The following AFDN variants were observed in gnomAD, a reference collection of about 807,000 sequenced individuals.
AFDN encodes afadin, adherens junction formation factor, also known as afadin.
A neutral mutation model predicts 216.6 loss-of-function variants in AFDN; 68 were observed. The ratio of observed to expected loss-of-function variants is 0.31; its 90% CI spans 0.26 to 0.38. AFDN has a LOEUF of 0.38. Among genes scored for constraint, AFDN ranks in the 10% least tolerant of loss-of-function variants. AFDN has a pLI of 1.00. For missense variants in AFDN, 2,136 were observed against 2,342.0 expected (o/e 0.91, Z 1.82); for synonymous variants, 868 against 853.7 (o/e 1.02, Z -0.29).
chr6:167,919,267 A>G (rs1583409720), intron 21 of AFDN, among the ~76,000 whole-genome samples: 1 of 152,228 alleles, frequency 6.6e-6, no homozygotes, highest in African/African-American at 2.4e-5. Context: ...AGGTTGATTC[A>G]TTCCTTTAGC....
In AFDN at chr6:167,971,359, C is replaced by CT. The variant is rs1798011041; in HGVS notation, c.*1429dup. On this transcript the variant is annotated 3_prime_UTR_variant, in exon 34 of 34. Transcript: ENST00000683244. The stretch of plus-strand genomic sequence containing the variant: ...ACACTTTCAAAGAGAGGTATAGGGG[C>CT]TTTTTACTGCCTTCGAAATCACTTT... 9.5e-6 allele frequency: 2 copies of CT among 211,516 alleles called. No homozygotes were observed. The highest frequency in any genetic ancestry group is 4.5e-5 in the African/African-American group (2 of 44,286). 13.1% of individuals were successfully genotyped at this position (211,516 alleles called of 1,614,324 possible).
intron 21 of AFDN, 26 bp downstream of exon 21, chr6:167,918,959 T>C (rs1445717588): frequency 1.3e-6 from 2 of 1,589,730 alleles, no homozygotes; most frequent in African/African-American, 2.7e-5. Context: ...TGCCTGAGTC[T>C]GAGCTACGCC....
chr6:167,846,198 T>G (rs1176165827), intron 1 of AFDN, among the ~76,000 whole-genome samples: 1 of 152,046 alleles, frequency 6.6e-6, no homozygotes, highest in Non-Finnish European at 1.5e-5. Flanking sequence ...TTATCAGAGC[T>G]TGGGCGGTCT....
At position 167,962,456 on chromosome 6, in the gene AFDN, G is replaced by A; in HGVS notation, c.4857G>A (p.Arg1619=). ...RARLQDEERR[R]QQQLEEMRKR... ...AGTTGCAGGACGAGGAGCGGAGGCG[G>A]CAGCAGCAGTTAGAAGAGATGCGCA... Residue 1619 remains arginine, a synonymous_variant, in exon 31 of 34, where the codon CGG becomes CGA. Transcript: ENST00000683244. The surrounding 1 kb of genome is among the most constrained non-coding windows in gnomAD (Gnocchi z 5.2). The A allele has an allele frequency of 6.2e-7, 1 of 1,613,638 alleles. No homozygotes were observed. Among genetic ancestry groups the A allele is most frequent in the Non-Finnish European group, 8.5e-7 (1 of 1,179,708 alleles).
chr6:167,852,565 C>G (rs528170139), intron 1 of AFDN, among the ~76,000 whole-genome samples: 2 of 152,142 alleles, frequency 1.3e-5, no homozygotes, highest in Admixed American at 1.3e-4. Context: ...CTGTTTCATT[C>G]GGAGATCTTT....
intron 21 of AFDN, among the ~76,000 whole-genome samples, chr6:167,919,734 T>C (rs1791543219): frequency 1.3e-5 from 2 of 152,250 alleles, no homozygotes; most frequent in African/African-American, 4.8e-5. Flanking sequence ...CACAGTTATT[T>C]CTGATGTATG....
Position 167,969,988 on chromosome 6 carries a change from G to A in AFDN, c.*53G>A. The A allele has an allele frequency of 6.8e-7, 1 of 1,466,800 alleles. No homozygotes were observed. The highest frequency in any genetic ancestry group is 9.2e-7 in the Non-Finnish European group (1 of 1,087,414). 90.9% of individuals were successfully genotyped at this position (1,466,800 alleles called of 1,614,324 possible). ...TACCCCAAAATCTTTTCAGTTGTGGGTTTGTAGGTGCGAGTTTGAAGAGGA... is the reference window on the plus strand; with the variant it reads ...TACCCCAAAATCTTTTCAGTTGTGGATTTGTAGGTGCGAGTTTGAAGAGGA... On this transcript the variant is annotated 3_prime_UTR_variant, in exon 34 of 34. Transcript: ENST00000683244.
At chr6:167,966,360 C>T in intron 32 of AFDN, 1 of 1,158,834 alleles carries the variant, frequency 8.6e-7, no homozygotes, top group Non-Finnish European at 1.1e-6. Context: ...TAGTATGGTC[C>T]ATGGCGATCA....
At chr6:167,837,653 A>G (rs1780597752) in intron 1 of AFDN, among the ~76,000 whole-genome samples, 2 of 152,182 alleles carry the variant, frequency 1.3e-5, no homozygotes, top group South Asian at 2.1e-4. Flanking sequence ...CCTGTGAGGT[A>G]TGTCCTTTTG....
At chr6:167,884,101 A>C (rs1458016025) in intron 6 of AFDN, among the ~76,000 whole-genome samples, 1 of 152,204 alleles carries the variant, frequency 6.6e-6, no homozygotes, top group African/African-American at 2.4e-5. Flanking sequence ...CTTATTCACA[A>C]GAGGCAACTC....
chr6:167,881,858 T>C (rs765445876), intron 6 of AFDN, among the ~76,000 whole-genome samples: 18 of 152,198 alleles, frequency 1.2e-4, no homozygotes, highest in Non-Finnish European at 2.5e-4. Context: ...AGGCACTTGT[T>C]GAAAGAAAGA....
Position 167,970,076 on chromosome 6 carries a change from T to C in AFDN, c.*141T>C, listed in dbSNP as rs1439413834. 1 of 697,356 alleles carries C rather than the reference T, an allele frequency of 1.4e-6. No homozygotes were observed. The highest frequency in any genetic ancestry group is 3.3e-5 in the East Asian group (1 of 30,586). The allele number at this position is 697,356 out of a possible 1,614,324, so 43.2% of individuals were successfully genotyped here. A position where few individuals can be genotyped will look rare whatever the true frequency, so the allele number is the denominator to read the frequency against. On this transcript the variant is annotated 3_prime_UTR_variant, in exon 34 of 34. Transcript: ENST00000683244. ...TTTCTGTTTCTAAAATTGTTGGGAT[T>C]TAGAAATGTTTCAATTCCAAGAAAT...
At chr6:167,836,920 T>G (rs948001973) in intron 1 of AFDN, among the ~76,000 whole-genome samples, 7 of 152,218 alleles carry the variant, frequency 4.6e-5, no homozygotes, top group African/African-American at 1.4e-4. Flanking sequence ...AGGAGTACCA[T>G]GGACAGTGTT....
chr6:167,866,474 T>A (rs1263710267), intron 2 of AFDN, among the ~76,000 whole-genome samples: 1 of 152,212 alleles, frequency 6.6e-6, no homozygotes, highest in Non-Finnish European at 1.5e-5. Context: ...AATAGTCCGT[T>A]TCATTAAGTA....
Position 167,918,770 on chromosome 6 carries a change from C to T in AFDN, c.2745C>T (p.Asn915=), listed in dbSNP as rs768513786. The T allele has an allele frequency of 3.7e-6, 6 of 1,614,092 alleles. No individual in the cohort carries two copies. Among genetic ancestry groups the T allele is most frequent in the Non-Finnish European group, 5.1e-6 (6 of 1,179,966 alleles). ...AAAATGTAGTGACTGTGGCTGAAAA[C>T]ACTGCCGATGAGCTGGCCCGCAGTG... is the stretch of plus-strand genomic sequence containing the variant. ...LIENVVTVAE[N]TADELARSDG... is the part of the protein sequence containing the mutation. The change falls in exon 21 of 34, where the codon AAC becomes AAT. Residue 915 remains asparagine (N), a synonymous_variant. Transcript: ENST00000683244.
chr6:167,872,492 A>C, intron 4 of AFDN, 115 bp downstream of exon 4: 1 of 1,184,584 alleles, frequency 8.4e-7, no homozygotes, highest in Non-Finnish European at 1.2e-6. Context: ...ATCAGTCAGG[A>C]AATGTGTTTG....
At chr6:167,955,440 A>T (rs539876740) in intron 30 of AFDN, among the ~76,000 whole-genome samples, 1 of 152,218 alleles carries the variant, frequency 6.6e-6, no homozygotes, top group South Asian at 2.1e-4. Flanking sequence ...TAAAAGTTAT[A>T]CATTTTTCTC....
intron 1 of AFDN, among the ~76,000 whole-genome samples, chr6:167,847,106 A>G (rs1484552818): frequency 6.6e-6 from 1 of 152,118 alleles, no homozygotes; most frequent in Non-Finnish European, 1.5e-5. Context: ...ACTCTCCTCA[A>G]AGTCATTAAA....
intron 6 of AFDN, among the ~76,000 whole-genome samples, chr6:167,887,038 GCCTGGTGTTGCATCTGATA>G (rs1275615041): frequency 2.7e-4 from 40 of 148,432 alleles, no homozygotes; most frequent in African/African-American, 9.1e-4. Flanking sequence ...AAAAAAGAAT[GCCTGGTGTTGCATCTGATA>G]CCTGGTGTTG....
Sources: allele counts gnomAD v4.1 joint callset (sites outside exome capture counted in the v4.1 genomes callset), GRCh38; gene constraint gnomAD v4.1.1; non-coding constraint Gnocchi (gnomAD v3.1); transcripts MANE v1.5; gene names NCBI Gene and HGNC (gene_info 2026-07-23, HGNC 2026-07-21).